Variants in C1QTNF7 observed in about 807,000 individuals in gnomAD.
C1QTNF7 encodes the protein complement C1q tumor necrosis factor-related protein 7.
In C1QTNF7, 15 loss-of-function variants were observed where a neutral mutation model predicts 19.6. That is an observed-to-expected ratio of 0.76 (90% CI 0.51 to 1.18). C1QTNF7 has a LOEUF of 1.18. C1QTNF7 is among the 50% of genes most tolerant of loss of function. The pLI is 0.00. For missense variants in C1QTNF7, 324 were observed against 359.7 expected (o/e 0.90, Z 0.80); for synonymous variants, 142 against 137.5 (o/e 1.03, Z -0.23).
At chr4:15,427,190 C>T (rs1223986572), upstream of C1QTNF7, among the ~76,000 whole-genome samples, 1 of 152,146 alleles carries the variant, frequency 6.6e-6, no homozygotes. Context: ...ACTCTGGAAA[C>T]ATTCCTTTCA....
rs1717517416 is a variant in C1QTNF7 at position 15,366,217 on chromosome 4, T to A, written c.13+26010T>A. 2.6e-5 allele frequency among the ~76,000 whole-genome samples: 4 copies of A among 152,196 alleles called. No homozygotes were observed. The South Asian group carries it at 8.3e-4, about 31-fold the overall frequency. ...TCTGGTTTTAGCACTGAAAATCCCA[T>A]GCCATGGAGAACTCCTCAGTTTTAG... On this transcript the variant is annotated intron_variant, in intron 1 of 2. Transcript: ENST00000295297.
At chr4:15,360,750 A>G (rs555400523) in intron 1 of C1QTNF7, among the ~76,000 whole-genome samples, 1 of 152,336 alleles carries the variant, frequency 6.6e-6, no homozygotes, top group Admixed American at 6.5e-5. Context: ...AAGAACCAAG[A>G]AAGCACTGTG....
chr4:15,442,138 T>G, intron 2 of C1QTNF7, 30 bp from the exon 3 acceptor site: 1 of 1,554,638 alleles, frequency 6.4e-7, no homozygotes, highest in Non-Finnish European at 8.6e-7. Flanking sequence ...TTTGAGGAAC[T>G]ATTAATCAAA....
At chr4:15,343,220 A>G (rs763953257) in intron 1 of C1QTNF7, among the ~76,000 whole-genome samples, 2 of 152,214 alleles carry the variant, frequency 1.3e-5, no homozygotes, top group African/African-American at 2.4e-5. Context: ...CCATGAAACC[A>G]CTTTTTCTGA....
chr4:15,423,968 T>C (rs1711918444), upstream of C1QTNF7, among the ~76,000 whole-genome samples: 1 of 152,228 alleles, frequency 6.6e-6, no homozygotes, highest in African/African-American at 2.4e-5. Context: ...CCAAAACTTA[T>C]TGAGTTTATC....
intron 1 of C1QTNF7, among the ~76,000 whole-genome samples, chr4:15,352,525 C>T (rs1017975264): frequency 9.2e-5 from 14 of 152,122 alleles, no homozygotes; most frequent in African/African-American, 3.1e-4. Context: ...AACACCATGG[C>T]CTCTGAATAA....
chr4:15,362,190 C>G (rs765059832), intron 1 of C1QTNF7, among the ~76,000 whole-genome samples: 2 of 152,170 alleles, frequency 1.3e-5, no homozygotes, highest in African/African-American at 4.8e-5. Context: ...GCCAGCCACA[C>G]AGCAAAATGT....
upstream of C1QTNF7, among the ~76,000 whole-genome samples, chr4:15,423,075 A>G (rs140168576): frequency 3.8e-4 from 58 of 152,330 alleles, no homozygotes; most frequent in African/African-American, 1.3e-3. Context: ...TCTACATGTG[A>G]AGTAGAAACC....
chr4:15,371,485 G>A (rs777781403), intron 1 of C1QTNF7, among the ~76,000 whole-genome samples: 4 of 152,272 alleles, frequency 2.6e-5, no homozygotes, highest in Admixed American at 1.3e-4. Context: ...ATATCTTAGT[G>A]AGCAAAGCAT....
rs145309311 is a variant in C1QTNF7 at position 15,412,895 on chromosome 4, A to C, written c.14-22841A>C. Among the ~76,000 whole-genome samples, 288 of 152,316 alleles carry C rather than the reference A, an allele frequency of 1.9e-3. 4 individuals carry two copies. The highest frequency in any genetic ancestry group is 6.5e-3 in the African/African-American group (271 of 41,578). On this transcript the variant is annotated intron_variant, in intron 1 of 2. Transcript: ENST00000295297. ...AAAAGAACATGAATCAATCCCTCTC[A>C]GTTTTTGAGCCCCTAATACGTTCCA...
intron 1 of C1QTNF7, among the ~76,000 whole-genome samples, chr4:15,355,285 A>C (rs1717094277): frequency 6.6e-6 from 1 of 152,198 alleles, no homozygotes; most frequent in African/African-American, 2.4e-5. Flanking sequence ...AGTAAACTTC[A>C]TGTGACTCAC....
intron 2 of C1QTNF7, among the ~76,000 whole-genome samples, chr4:15,438,491 G>C (rs950564468): frequency 6.6e-6 from 1 of 152,144 alleles, no homozygotes; most frequent in Admixed American, 6.5e-5. Context: ...CCCCAACCAA[G>C]TCCAATCAAG....
Position 15,352,467 on chromosome 4 carries a change from C to T in C1QTNF7, c.13+12260C>T, listed in dbSNP as rs541578328. Among the ~76,000 whole-genome samples the T allele has an allele frequency of 1.4e-4, 22 of 152,254 alleles. No homozygotes were observed. In the South Asian group the frequency reaches 4.4e-3, roughly 30 times the overall value. On this transcript the variant is annotated intron_variant, in intron 1 of 2. Coordinates refer to the C1QTNF7 transcript ENST00000295297. ...ATCCTTGCAGAGCTGCATGCTCCCT[C>T]CAAAACCTGTAAAATGACAAAAGCT...
At chr4:15,421,811 T>C (rs748147403) in intron 1 of C1QTNF7, among the ~76,000 whole-genome samples, 9 of 152,154 alleles carry the variant, frequency 5.9e-5, no homozygotes, top group Non-Finnish European at 1.0e-4. Context: ...AATAAATATA[T>C]AGATATAGAT....
At chr4:15,341,535 T>TC in intron 1 of C1QTNF7, among the ~76,000 whole-genome samples, 1 of 152,256 alleles carries the variant, frequency 6.6e-6, no homozygotes, top group East Asian at 1.9e-4. Context: ...TAGTTGCCTC[T>TC]CTCCACCCAT....
chr4:15,355,259 G>A (rs957269696), intron 1 of C1QTNF7, among the ~76,000 whole-genome samples: 1 of 152,092 alleles, frequency 6.6e-6, no homozygotes, highest in African/African-American at 2.4e-5. Flanking sequence ...CTGTGGGCTG[G>A]GTGAAGACCT....
chr4:15,343,116 C>T (rs895457828), intron 1 of C1QTNF7, among the ~76,000 whole-genome samples: 40 of 152,206 alleles, frequency 2.6e-4, no homozygotes, highest in African/African-American at 8.2e-4. Context: ...TTCTTTACCT[C>T]AGTAAGTGTC....
chr4:15,406,374 A>G (rs1373147486), intron 1 of C1QTNF7, among the ~76,000 whole-genome samples: 2 of 152,338 alleles, frequency 1.3e-5, no homozygotes, highest in Admixed American at 1.3e-4. Context: ...CTAAGGGTAG[A>G]AGCACACTGA....
intron 1 of C1QTNF7, among the ~76,000 whole-genome samples, chr4:15,402,595 G>A (rs1005601895): frequency 1.6e-4 from 25 of 152,084 alleles, no homozygotes; most frequent in Non-Finnish European, 2.4e-4. Flanking sequence ...GGGTGGAAGG[G>A]AAAAATGAAA....
Sources: allele counts gnomAD v4.1 joint callset (sites outside exome capture counted in the v4.1 genomes callset), GRCh38; gene constraint gnomAD v4.1.1; transcripts MANE v1.5; gene names NCBI Gene and HGNC (gene_info 2026-07-23, HGNC 2026-07-21).